The following TPPP variants were observed in gnomAD, a reference collection of about 807,000 sequenced individuals.
TPPP encodes tubulin polymerization-promoting protein.
Under a neutral mutation model 15.5 loss-of-function variants are expected in TPPP, and 6 were observed. The ratio of observed to expected loss-of-function variants is 0.39; its 90% CI spans 0.21 to 0.77. TPPP has a LOEUF of 0.77. Among genes scored for constraint, TPPP ranks in the 30% least tolerant of loss-of-function variants. TPPP has a pLI of 0.42. For missense variants in TPPP, 269 were observed against 307.2 expected (o/e 0.88, Z 0.93); for synonymous variants, 146 against 133.9 (o/e 1.09, Z -0.63).
intron 1 of TPPP, among the ~76,000 whole-genome samples, chr5:686,984 C>G (rs1740783628): frequency 7.1e-6 from 1 of 141,046 alleles, no homozygotes; most frequent in Non-Finnish European, 1.6e-5. Flanking sequence ...CTTGGACTCT[C>G]CAGCCCCCAG....
intron 1 of TPPP, among the ~76,000 whole-genome samples, chr5:688,429 G>GT (rs1740819211): frequency 6.6e-6 from 1 of 150,702 alleles, no homozygotes; most frequent in African/African-American, 2.4e-5. Flanking sequence ...GCACAGCAGT[G>GT]TGCCCACCAC....
intron 1 of TPPP, among the ~76,000 whole-genome samples, chr5:679,123 A>G (rs1043966886): frequency 3.9e-5 from 6 of 152,180 alleles, no homozygotes; most frequent in Admixed American, 6.5e-5. Flanking sequence ...CCTGGGACTC[A>G]CGAAGCCCTC....
At chr5:668,954 C>T (rs770677678) in intron 2 of TPPP, among the ~76,000 whole-genome samples, 27 of 152,208 alleles carry the variant, frequency 1.8e-4, no homozygotes, top group African/African-American at 6.5e-4. Flanking sequence ...AAGGCGGATG[C>T]TGTGTTTAAA....
intron 1 of TPPP, among the ~76,000 whole-genome samples, chr5:682,793 T>C (rs688334): frequency 0.71 from 106,699 of 150,976 alleles, 38,826 homozygotes; most frequent in African/African-American, 0.92. Context: ...CTGCTCTCCA[T>C]GTGGATGGCT....
intron 1 of TPPP, among the ~76,000 whole-genome samples, chr5:682,909 G>A (rs1740666532): frequency 1.3e-5 from 2 of 152,158 alleles, no homozygotes. Flanking sequence ...GGAGTCAGTG[G>A]GAGCTACCAC....
Position 664,951 on chromosome 5 carries a change from A to G in TPPP, c.*151T>C. 1.2e-6 allele frequency: 1 copy of G among 828,450 alleles called. No homozygotes were observed. Among genetic ancestry groups the G allele is most frequent in the Non-Finnish European group, 1.9e-6 (1 of 537,804 alleles). The allele number at this position is 828,450 out of a possible 1,614,324, so 51.3% of individuals were successfully genotyped here. A position where few individuals can be genotyped will look rare whatever the true frequency, so the allele number is the denominator to read the frequency against. On this transcript the variant is annotated 3_prime_UTR_variant, in exon 4 of 4. Transcript: ENST00000360578. ...GGGGGCATCCGGTAGGAGGAGGGGC[A>G]GGAGGGAGGCCTGGGCCTGGCCGCC... is the stretch of plus-strand genomic sequence containing the variant.
chr5:698,969 G>C, the TPPP span, among the ~76,000 whole-genome samples: 15 of 151,922 alleles, frequency 9.9e-5, no homozygotes, highest in Non-Finnish European at 1.8e-4. Flanking sequence ...GGAAGTGAAA[G>C]ATCTTTATAA....
At chr5:682,666 G>A (rs1482323268) in intron 1 of TPPP, among the ~76,000 whole-genome samples, 1 of 152,136 alleles carries the variant, frequency 6.6e-6, no homozygotes, top group Non-Finnish European at 1.5e-5. Context: ...CCTGTAACTA[G>A]GGCCTGGGGT....
upstream of TPPP, among the ~76,000 whole-genome samples, chr5:694,012 CTTCACGCAGGAG>C (rs1447760792): frequency 2.0e-5 from 2 of 98,100 alleles, no homozygotes; most frequent in African/African-American, 7.1e-5. Context: ...GTGGGCCGCC[CTTCACGCAGGAG>C]TGGAGGAGCG....
At chr5:668,949 G>A (rs960216304) in intron 2 of TPPP, among the ~76,000 whole-genome samples, 6 of 152,204 alleles carry the variant, frequency 3.9e-5, no homozygotes, top group Non-Finnish European at 7.3e-5. Flanking sequence ...ACCCCAAGGC[G>A]GATGCTGTGT....
chr5:693,325 C>G lies in TPPP; in HGVS notation c.-52G>C, dbSNP rs2126918255. The G allele has an allele frequency of 6.6e-6, 1 of 150,504 alleles. No individual in the cohort carries two copies. Among genetic ancestry groups the G allele is most frequent in the South Asian group, 1.8e-4 (1 of 5,602 alleles). The allele number at this position is 150,504 out of a possible 1,614,324, so 9.3% of individuals were successfully genotyped here. On this transcript the variant is annotated 5_prime_UTR_variant, in exon 1 of 4. Transcript: ENST00000360578. ...CGGAGGCGCCTCCGCGACTCGGCCG[C>G]GCGCGACCCGGTGCTCAGCGGAGCT...
chr5:678,503 G>C (rs1253069105), intron 1 of TPPP, among the ~76,000 whole-genome samples: 1 of 144,054 alleles, frequency 6.9e-6, no homozygotes, highest in Non-Finnish European at 1.5e-5. Context: ...AGGACACCTC[G>C]GGATCACGCA....
Position 669,434 on chromosome 5 carries a change from G to A in TPPP, c.312-3311C>T, listed in dbSNP as rs117288090. ...CACCCCAGGCAGCCCACAGTGCCTG[G>A]AACTGACAGTGCCCATTGGGCCCTG... On this transcript the variant is annotated intron_variant, in intron 2 of 3. Coordinates refer to ENST00000360578, the MANE Select transcript of TPPP (RefSeq NM_007030.3). Among the ~76,000 whole-genome samples, 40 of 152,288 alleles carry A rather than the reference G, an allele frequency of 2.6e-4. 1 individual carries two copies. In the East Asian group the frequency reaches 7.7e-3, roughly 30 times the overall value.
At chr5:668,858 C>G (rs913617655) in intron 2 of TPPP, among the ~76,000 whole-genome samples, 2 of 152,232 alleles carry the variant, frequency 1.3e-5, no homozygotes, top group Non-Finnish European at 1.5e-5. Context: ...GAGAACAAGC[C>G]CAGGATACGC....
At position 666,079 on chromosome 5, in the gene TPPP, G is replaced by A. The variant is rs749246726; in HGVS notation, c.356C>T (p.Ala119Val). 5 of 1,612,124 alleles carry A rather than the reference G, an allele frequency of 3.1e-6. No homozygotes were observed. Among genetic ancestry groups the A allele is most frequent in the South Asian group, 1.1e-5 (1 of 91,048 alleles). The change falls in exon 3 of 4, where the codon GCG becomes GTG. Residue 119 changes from alanine (A) to valine (V), a missense_variant. By Grantham distance (64) the Ala-to-Val change is moderately conservative. Coordinates refer to ENST00000360578, the MANE Select transcript of TPPP (RefSeq NM_007030.3). ...RTITFEQFQEALEELAKKRFK... is the reference protein window; with the variant it reads ...RTITFEQFQEVLEELAKKRFK... ...TCGCTTCTTGGCGAGCTCCTCCAGC[G>A]CCTCCTGGAACTGCTCAAAGGTGAT...
At chr5:697,144 G>T (rs1210735528), upstream of TPPP, among the ~76,000 whole-genome samples, 1 of 151,422 alleles carries the variant, frequency 6.6e-6, no homozygotes, top group East Asian at 1.9e-4. Context: ...TGTGGAACAT[G>T]GAATTAAAGT....
intron 2 of TPPP, among the ~76,000 whole-genome samples, chr5:671,092 C>T (rs1255272814): frequency 2.0e-5 from 3 of 152,324 alleles, no homozygotes; most frequent in South Asian, 2.1e-4. Context: ...CACAGCCGGT[C>T]GGGGGGCTGC....
At chr5:670,127 C>T (rs1044680573) in intron 2 of TPPP, among the ~76,000 whole-genome samples, 9 of 152,160 alleles carry the variant, frequency 5.9e-5, no homozygotes, top group African/African-American at 1.7e-4. Context: ...CACTGGGACC[C>T]GGCCTGGGGC....
chr5:665,938 C>CCCCCCCCCCCCAACA, intron 3 of TPPP, 32 bp downstream of exon 3: 3 of 1,366,590 alleles, frequency 2.2e-6, no homozygotes, highest in African/African-American at 1.6e-5. Context: ...CCACCCCCTC[C>CCCCCCCCCCCCAACA]AGGCCCCGCC....
Sources: gnomAD v4.1 joint callset for allele counts (sites outside exome capture counted in the v4.1 genomes callset) on GRCh38, gnomAD v4.1.1 for gene constraint, MANE v1.5 for transcripts, NCBI Gene and HGNC (gene_info 2026-07-23, HGNC 2026-07-21) for gene names.